The following SLC1A2 variants were observed in gnomAD, a reference collection of about 807,000 sequenced individuals.
SLC1A2 encodes the protein excitatory amino acid transporter 2.
Under a neutral mutation model 48.8 loss-of-function variants are expected in SLC1A2, and 15 were observed. That is an observed-to-expected ratio of 0.31 (90% confidence interval 0.21 to 0.47). The LOEUF (loss-of-function observed/expected upper bound fraction) is 0.47. Ranked by LOEUF, SLC1A2 falls within the 20% of genes least tolerant of loss-of-function variation. SLC1A2 has a pLI of 0.99. For missense variants in SLC1A2, 502 were observed against 730.5 expected, an observed-to-expected ratio of 0.69 and a Z score of 3.61; for synonymous variants, 279 against 272.6, an observed-to-expected ratio of 1.02 and a Z score of -0.23.
intron 9 of SLC1A2, among the ~76,000 whole-genome samples, chr11:35,268,198 T>A (rs997366879): frequency 2.6e-5 from 4 of 152,172 alleles, no homozygotes; most frequent in African/African-American, 9.7e-5. Context: ...ATACAATACC[T>A]TTGACCAATT....
At position 35,365,304 on chromosome 11, in the gene SLC1A2, C is replaced by T. The variant is rs112775225; in HGVS notation, c.18-47788G>A. Among the ~76,000 whole-genome samples, 727 of 152,312 alleles carry T rather than the reference C, an allele frequency of 4.8e-3. 9 individuals carry two copies. Among genetic ancestry groups the T allele is most frequent in the African/African-American group, 0.016 (676 of 41,556 alleles). ...GCCTCCAAAGCCCTTGACATTGCTC[C>T]TTACACATGATCAATGATATGGTAA... is the stretch of plus-strand genomic sequence containing the variant. On this transcript the variant is annotated intron_variant, in intron 1 of 10. Coordinates refer to ENST00000278379, the MANE Select transcript of SLC1A2 (RefSeq NM_004171.4).
intron 1 of SLC1A2, among the ~76,000 whole-genome samples, chr11:35,378,315 T>C (rs768371355): frequency 5.3e-5 from 8 of 152,248 alleles, no homozygotes; most frequent in Non-Finnish European, 7.3e-5. Flanking sequence ...TGGGTGATGA[T>C]ACCCAAGACA....
intron 1 of SLC1A2, among the ~76,000 whole-genome samples, chr11:35,417,860 G>A (rs1406298509): frequency 6.6e-6 from 1 of 152,204 alleles, no homozygotes; most frequent in Non-Finnish European, 1.5e-5. Flanking sequence ...CCTGTTTAGA[G>A]ATCCATTCCC....
chr11:35,374,206 G>A (rs1253872463), intron 1 of SLC1A2: 7 of 539,224 alleles, frequency 1.3e-5, no homozygotes, highest in Non-Finnish European at 2.3e-5. Flanking sequence ...CTCGCTCTGT[G>A]ACTTGCTGGC....
At chr11:35,305,472 C>T (rs1851474311) in intron 5 of SLC1A2, among the ~76,000 whole-genome samples, 1 of 152,172 alleles carries the variant, frequency 6.6e-6, no homozygotes, top group Admixed American at 6.5e-5. Context: ...GATCCAAACC[C>T]AGGTCTGCCC....
chr11:35,263,756 T>C (rs1950434542), intron 10 of SLC1A2, among the ~76,000 whole-genome samples: 1 of 152,238 alleles, frequency 6.6e-6, no homozygotes, highest in Non-Finnish European at 1.5e-5. Flanking sequence ...TTATCATCAT[T>C]ACAACATTAT....
intron 1 of SLC1A2, among the ~76,000 whole-genome samples, chr11:35,416,064 C>T (rs922861611): frequency 6.6e-6 from 1 of 152,154 alleles, no homozygotes; most frequent in Non-Finnish European, 1.5e-5. Context: ...AGGAAAATAC[C>T]TCTCAGAGCC....
At chr11:35,364,784 C>T (rs1853788369) in intron 1 of SLC1A2, among the ~76,000 whole-genome samples, 1 of 152,198 alleles carries the variant, frequency 6.6e-6, no homozygotes, top group African/African-American at 2.4e-5. Flanking sequence ...TATGCACACT[C>T]AACCTATTTC....
intron 1 of SLC1A2, among the ~76,000 whole-genome samples, chr11:35,344,882 T>C (rs574523269): frequency 6.6e-6 from 1 of 152,294 alleles, no homozygotes; most frequent in South Asian, 2.1e-4. Flanking sequence ...AGCACCTGGA[T>C]TGGATCAAAT....
At chr11:35,314,992 T>C in intron 3 of SLC1A2, 31 bp downstream of exon 3, 1 of 1,569,278 alleles carries the variant, frequency 6.4e-7, no homozygotes, top group Non-Finnish European at 8.8e-7. Flanking sequence ...GTATGACCCA[T>C]GTTAGCCAGG....
chr11:35,403,402 C>A (rs1352268367), intron 1 of SLC1A2, among the ~76,000 whole-genome samples: 3 of 152,218 alleles, frequency 2.0e-5, no homozygotes, highest in African/African-American at 7.2e-5. Context: ...TAGTGCACTG[C>A]CAGAAGGCAG....
intron 5 of SLC1A2, 88 bp from the exon 6 acceptor site, chr11:35,301,733 G>T: frequency 7.9e-7 from 1 of 1,267,662 alleles, no homozygotes; most frequent in Non-Finnish European, 1.1e-6. Flanking sequence ...AATGTATGGA[G>T]CCATGTTCTC....
chr11:35,368,553 G>A (rs773517074), intron 1 of SLC1A2, among the ~76,000 whole-genome samples: 1 of 152,234 alleles, frequency 6.6e-6, no homozygotes, highest in Non-Finnish European at 1.5e-5. Context: ...GTAAGGTCCA[G>A]TTGAGTAATC....
At chr11:35,326,316 C>G (rs1852251104) in intron 1 of SLC1A2, among the ~76,000 whole-genome samples, 1 of 152,232 alleles carries the variant, frequency 6.6e-6, no homozygotes, top group Non-Finnish European at 1.5e-5. Flanking sequence ...ATTCCCCTTC[C>G]AAGAGCCACT....
chr11:35,354,417 C>T (rs1376622059), intron 1 of SLC1A2, among the ~76,000 whole-genome samples: 1 of 152,102 alleles, frequency 6.6e-6, no homozygotes, highest in Admixed American at 6.5e-5. Context: ...GCTACGATTA[C>T]ACTACTGTAC....
At chr11:35,413,462 T>A (rs528579770) in intron 1 of SLC1A2, among the ~76,000 whole-genome samples, 1 of 152,206 alleles carries the variant, frequency 6.6e-6, no homozygotes, top group Non-Finnish European at 1.5e-5. Context: ...TTGATACACA[T>A]TAAACTGTTT....
chr11:35,287,023 A>G, intron 7 of SLC1A2, 72 bp from the exon 8 acceptor site: 1 of 1,127,756 alleles, frequency 8.9e-7, no homozygotes, highest in Non-Finnish European at 1.3e-6. Flanking sequence ...ATAAACTGGA[A>G]TGCCACTGCA....
At chr11:35,332,510 C>G (rs1290158802) in intron 1 of SLC1A2, among the ~76,000 whole-genome samples, 3 of 152,204 alleles carry the variant, frequency 2.0e-5, no homozygotes, top group Admixed American at 2.0e-4. Context: ...TGTACAATGC[C>G]AGGCACCTAA....
chr11:35,418,979 GC>G lies in SLC1A2; in HGVS notation c.-14del. On this transcript the variant is annotated 5_prime_UTR_variant, in exon 1 of 11. Coordinates refer to ENST00000278379, the MANE Select transcript of SLC1A2 (RefSeq NM_004171.4). ...CCGTAGATGCCATGGTCTGGGGAACGCCCCCTCCTCTTCAGCACTATCCGGC... is the reference window on the plus strand; with the variant it reads ...CCGTAGATGCCATGGTCTGGGGAACGCCCCTCCTCTTCAGCACTATCCGGC... The G allele has an allele frequency of 6.4e-7, 1 of 1,564,690 alleles. No individual in the cohort carries two copies. Among genetic ancestry groups the G allele is most frequent in the Non-Finnish European group, 8.7e-7 (1 of 1,152,898 alleles).
Sources: allele counts gnomAD v4.1 joint callset (sites outside exome capture counted in the v4.1 genomes callset), GRCh38; gene constraint gnomAD v4.1.1; transcripts MANE v1.5; gene names NCBI Gene and HGNC (gene_info 2026-07-23, HGNC 2026-07-21).